DLG2: variants seen among roughly 807,000 people sequenced by gnomAD.
DLG2 encodes disks large homolog 2.
Under a neutral mutation model 132.5 loss-of-function variants are expected in DLG2, and 45 were observed. That is an observed-to-expected ratio of 0.34 (90% confidence interval 0.27 to 0.44). DLG2 has a LOEUF of 0.44. Ranked by LOEUF, DLG2 falls within the 20% of genes least tolerant of loss-of-function variation. The pLI, the probability that DLG2 is intolerant of heterozygous loss-of-function variation, is 1.00. For missense variants in DLG2, 1,045 were observed against 1,196.9 expected, an observed-to-expected ratio of 0.87 and a Z score of 1.87; for synonymous variants, 424 against 419.6, an observed-to-expected ratio of 1.01 and a Z score of -0.13.
chr11:85,382,144 G>A (rs1330476763), intron 3 of DLG2, among the ~76,000 whole-genome samples: 1 of 152,078 alleles, frequency 6.6e-6, no homozygotes, highest in Non-Finnish European at 1.5e-5. Context: ...CTGTAATCAA[G>A]ACAGCATGGT....
rs141226088 is a variant in DLG2, at chr11:83,701,746, C to T, written c.1826-68421G>A. ...ATACAAGGCATTCAGGACAAAACAA[C>T]AGGAAGAGCACAGACACTGGGATAA... On this transcript the variant is annotated intron_variant, in intron 18 of 27. Transcript: ENST00000376104. Among the ~76,000 whole-genome samples the T allele has an allele frequency of 5.3e-4, 80 of 152,266 alleles. No homozygotes were observed. The East Asian group carries it at 0.013, about 25-fold the overall frequency.
intron 6 of DLG2, among the ~76,000 whole-genome samples, chr11:85,098,347 C>T (rs187952684): frequency 7.2e-4 from 109 of 152,278 alleles, no homozygotes; most frequent in Non-Finnish European, 1.2e-3. Context: ...CCAGATTCTG[C>T]GCACTGTCCA....
intron 18 of DLG2, among the ~76,000 whole-genome samples, chr11:83,754,522 T>G (rs1033110560): frequency 6.6e-6 from 1 of 151,446 alleles, no homozygotes; most frequent in South Asian, 2.1e-4. Context: ...ATTTATCATT[T>G]GCATCAAGAA....
intron 6 of DLG2, among the ~76,000 whole-genome samples, chr11:84,596,048 A>T (rs1401294190): frequency 6.6e-6 from 1 of 152,196 alleles, no homozygotes; most frequent in Admixed American, 6.5e-5. Context: ...TAGGAGAAAA[A>T]ATATTTTTTC....
At chr11:83,890,980 A>C (rs1420057797) in intron 15 of DLG2, among the ~76,000 whole-genome samples, 3 of 152,146 alleles carry the variant, frequency 2.0e-5, no homozygotes, top group African/African-American at 7.2e-5. Context: ...AAGAATAATA[A>C]TAGATTTGAG....
At chr11:84,220,615 C>T (rs1204347285) in intron 8 of DLG2, among the ~76,000 whole-genome samples, 1 of 152,086 alleles carries the variant, frequency 6.6e-6, no homozygotes, top group East Asian at 1.9e-4. Context: ...ATAACAATTA[C>T]ACACTTAAGA....
intron 8 of DLG2, among the ~76,000 whole-genome samples, chr11:84,175,651 G>A (rs1402461877): frequency 1.3e-5 from 2 of 151,800 alleles, no homozygotes; most frequent in East Asian, 1.9e-4. Context: ...CACCTTCTTC[G>A]CTATCTCATA....
intron 6 of DLG2, among the ~76,000 whole-genome samples, chr11:84,599,734 T>C (rs975562443): frequency 6.6e-6 from 1 of 151,986 alleles, no homozygotes; most frequent in African/African-American, 2.4e-5. Flanking sequence ...CATTCCGTAA[T>C]TAGAAATTCC....
At chr11:83,635,053 G>T (rs899643925) in intron 18 of DLG2, among the ~76,000 whole-genome samples, 3 of 152,130 alleles carry the variant, frequency 2.0e-5, no homozygotes, top group Admixed American at 6.5e-5. Flanking sequence ...TCTAGCAAGA[G>T]AAAACATTTA....
intron 7 of DLG2, among the ~76,000 whole-genome samples, chr11:84,513,113 C>T (rs962530475): frequency 6.6e-6 from 1 of 151,924 alleles, no homozygotes; most frequent in African/African-American, 2.4e-5. Context: ...CACAAACCTG[C>T]ACATTCTGCA....
intron 3 of DLG2, among the ~76,000 whole-genome samples, chr11:85,393,472 T>C (rs1357357731): frequency 6.6e-6 from 1 of 152,104 alleles, no homozygotes; most frequent in Admixed American, 6.6e-5. Context: ...CCTGGATATC[T>C]ACCCAGAGAA....
At chr11:84,654,878 C>A (rs2099686347) in intron 6 of DLG2, among the ~76,000 whole-genome samples, 1 of 152,112 alleles carries the variant, frequency 6.6e-6, no homozygotes, top group Non-Finnish European at 1.5e-5. Flanking sequence ...GACTTCTTAC[C>A]ACTCTCTTCC....
intron 7 of DLG2, among the ~76,000 whole-genome samples, chr11:84,324,074 C>T (rs749440120): frequency 3.3e-5 from 5 of 152,048 alleles, no homozygotes; most frequent in Admixed American, 1.3e-4. Flanking sequence ...GGTAGTACCA[C>T]TTGTCTATTT....
chr11:84,884,319 T>C (rs1419804084), intron 6 of DLG2, among the ~76,000 whole-genome samples: 4 of 133,958 alleles, frequency 3.0e-5, no homozygotes, highest in African/African-American at 8.4e-5. Flanking sequence ...TGGATTTGTC[T>C]AAATGTAAAA....
chr11:84,294,384 G>T (rs1599259713), intron 7 of DLG2, among the ~76,000 whole-genome samples: 1 of 152,084 alleles, frequency 6.6e-6, no homozygotes, highest in Non-Finnish European at 1.5e-5. Flanking sequence ...GATCATCTGA[G>T]GTCAGGAGTT....
chr11:84,210,011 G>A (rs11824111), intron 8 of DLG2, among the ~76,000 whole-genome samples: 3,122 of 152,266 alleles, frequency 0.021, 88 homozygotes, highest in African/African-American at 0.069. Context: ...GACTGGGTAT[G>A]GTGGCTCATG....
At chr11:85,019,470 T>G (rs1437582175) in intron 6 of DLG2, among the ~76,000 whole-genome samples, 1 of 152,086 alleles carries the variant, frequency 6.6e-6, no homozygotes, top group Non-Finnish European at 1.5e-5. Flanking sequence ...ATTTTATTAT[T>G]TATTTATTTT....
chr11:85,018,497 A>G (rs564166016), intron 6 of DLG2, among the ~76,000 whole-genome samples: 1 of 152,318 alleles, frequency 6.6e-6, no homozygotes, highest in South Asian at 2.1e-4. Context: ...TCTACTCTGT[A>G]TCCCTATCAA....
intron 10 of DLG2, among the ~76,000 whole-genome samples, chr11:84,077,621 AG>A (rs1312373220): frequency 6.6e-6 from 1 of 152,234 alleles, no homozygotes; most frequent in Non-Finnish European, 1.5e-5. Flanking sequence ...ATAGTAGCAA[AG>A]GATATCATTT....
Sources: allele counts gnomAD v4.1 joint callset (sites outside exome capture counted in the v4.1 genomes callset), GRCh38; gene constraint gnomAD v4.1.1; transcripts MANE v1.5; gene names NCBI Gene and HGNC (gene_info 2026-07-23, HGNC 2026-07-21).